NME7: variants seen among roughly 807,000 people sequenced by gnomAD.
NME7 encodes the protein nucleoside diphosphate kinase 7.
NME7 carries 41 observed loss-of-function variants against 49.1 expected under a neutral mutation model. The observed-to-expected ratio is 0.83, with a 90% confidence interval of 0.65 to 1.08. The LOEUF is 1.08. Among genes scored for constraint, NME7 ranks in the 50% least tolerant of loss-of-function variants. The pLI is 0.00. For missense variants in NME7, 423 were observed against 463.4 expected (o/e 0.91, Z 0.80); for synonymous variants, 139 against 150.6 (o/e 0.92, Z 0.56).
At chr1:169,228,691 A>AG (rs1233887810) in intron 10 of NME7, among the ~76,000 whole-genome samples, 1 of 88,454 alleles carries the variant, frequency 1.1e-5, no homozygotes, top group African/African-American at 3.1e-5. Flanking sequence ...CTCAAAAAAA[A>AG]AAAAAAAAAA....
chr1:169,320,050 T>C (rs962846201), intron 3 of NME7, among the ~76,000 whole-genome samples: 8 of 152,198 alleles, frequency 5.3e-5, no homozygotes, highest in Non-Finnish European at 8.8e-5. Context: ...TCCTCTATCA[T>C]TCATACACAT....
chr1:169,190,736 A>AGG, intron 10 of NME7: 1 of 398,976 alleles, frequency 2.5e-6, no homozygotes, highest in Non-Finnish European at 4.9e-6. Flanking sequence ...AAAAAAGTGT[A>AGG]GGTTGACTCA....
rs775606293 is a variant in NME7 at position 169,147,602 on chromosome 1, A to G, written c.1099-14785T>C. The stretch of plus-strand genomic sequence containing the variant: ...ACAAGCTAGTTAATATTCCTACCAT[A>G]TACATAAAAATAAAAAATCAATAAG... On this transcript the variant is annotated intron_variant, in intron 11 of 11. Transcript: ENST00000367811. Among the ~76,000 whole-genome samples, 41 of 148,040 alleles carry G rather than the reference A, an allele frequency of 2.8e-4. 1 individual carries two copies. The highest frequency in any genetic ancestry group is 5.4e-4 in the Non-Finnish European group (36 of 66,928).
chr1:169,186,725 T>C (rs1372391642), intron 10 of NME7, among the ~76,000 whole-genome samples: 1 of 152,196 alleles, frequency 6.6e-6, no homozygotes, highest in Non-Finnish European at 1.5e-5. Flanking sequence ...ATTCACTGAT[T>C]TTTTGAAGGG....
chr1:169,298,306 T>G (rs1650790010), intron 6 of NME7, among the ~76,000 whole-genome samples: 1 of 152,146 alleles, frequency 6.6e-6, no homozygotes, highest in Non-Finnish European at 1.5e-5. Context: ...ATTTAAGTCT[T>G]GGGAACAAGA....
At chr1:169,139,451 A>G (rs952268413) in intron 11 of NME7, among the ~76,000 whole-genome samples, 1 of 152,210 alleles carries the variant, frequency 6.6e-6, no homozygotes, top group Non-Finnish European at 1.5e-5. Context: ...CTAGGGATGT[A>G]GCCTGGCTGT....
At chr1:169,272,653 C>G (rs1571343344) in intron 7 of NME7, among the ~76,000 whole-genome samples, 1 of 133,200 alleles carries the variant, frequency 7.5e-6, no homozygotes, top group African/African-American at 2.5e-5. Context: ...ACATAGTATT[C>G]TATCATGTAT....
At chr1:169,281,333 C>G (rs1650003935) in intron 7 of NME7, among the ~76,000 whole-genome samples, 1 of 151,606 alleles carries the variant, frequency 6.6e-6, no homozygotes, top group Admixed American at 6.6e-5. Flanking sequence ...AGTTGCTTAT[C>G]AGCATAAGGA....
intron 3 of NME7, among the ~76,000 whole-genome samples, chr1:169,313,248 G>T (rs1304339852): frequency 2.0e-5 from 3 of 147,602 alleles, no homozygotes; most frequent in African/African-American, 7.4e-5. Context: ...AAGTAAGAAT[G>T]AAAGTTGTTT....
intron 11 of NME7, among the ~76,000 whole-genome samples, chr1:169,136,873 A>T (rs1330110124): frequency 6.6e-6 from 1 of 152,238 alleles, no homozygotes; most frequent in Non-Finnish European, 1.5e-5. Flanking sequence ...TTAGAGGTGG[A>T]ATGCAGGCAT....
At chr1:169,261,198 T>G (rs1649150600) in intron 7 of NME7, among the ~76,000 whole-genome samples, 1 of 134,542 alleles carries the variant, frequency 7.4e-6, no homozygotes, top group African/African-American at 2.5e-5. Flanking sequence ...ATAATTAAGC[T>G]TATAAGTGAT....
chr1:169,231,103 C>T (rs1305925141), intron 9 of NME7, among the ~76,000 whole-genome samples: 1 of 152,046 alleles, frequency 6.6e-6, no homozygotes, highest in Non-Finnish European at 1.5e-5. Context: ...TTGCAAAGGC[C>T]TTCTTGAATA....
At position 169,276,028 on chromosome 1, in the gene NME7, G is replaced by A. The variant is rs1255638663; in HGVS notation, c.754+11275C>T. ...TATTGAACCGGCCTTGCATCCCAGGGATGAAGCCCACTTGATCATGGTGGA... is the reference window on the plus strand; with the variant it reads ...TATTGAACCGGCCTTGCATCCCAGGAATGAAGCCCACTTGATCATGGTGGA... On this transcript the variant is annotated intron_variant, in intron 7 of 11. Transcript: ENST00000367811. Among the ~76,000 whole-genome samples, 4 of 133,914 alleles carry A rather than the reference G, an allele frequency of 3.0e-5. 1 individual carries two copies. The highest frequency in any genetic ancestry group is 5.3e-5 in the Non-Finnish European group (3 of 56,966). The allele number at this position is 133,914 out of a possible 152,430, so 87.9% of individuals were successfully genotyped here. A position where few individuals can be genotyped will look rare whatever the true frequency, so the allele number is the denominator to read the frequency against.
intron 10 of NME7, among the ~76,000 whole-genome samples, chr1:169,212,503 T>TG (rs1299015401): frequency 2.9e-5 from 4 of 140,068 alleles, no homozygotes; most frequent in Non-Finnish European, 6.6e-5. Context: ...GTCACTCAAA[T>TG]GAGTACTCAT....
intron 4 of NME7, among the ~76,000 whole-genome samples, chr1:169,309,261 A>C (rs1651293433): frequency 6.6e-6 from 1 of 152,088 alleles, no homozygotes; most frequent in Non-Finnish European, 1.5e-5. Context: ...TGACAGCTGA[A>C]TTTCTACCCT....
intron 7 of NME7, among the ~76,000 whole-genome samples, chr1:169,243,164 G>A (rs538327995): frequency 2.0e-5 from 3 of 152,192 alleles, no homozygotes; most frequent in South Asian, 2.1e-4. Context: ...TGCAATAACC[G>A]AAAGATGGTG....
At chr1:169,349,386 A>G (rs79301069) in intron 1 of NME7, among the ~76,000 whole-genome samples, 1 of 152,184 alleles carries the variant, frequency 6.6e-6, no homozygotes, top group Non-Finnish European at 1.5e-5. Flanking sequence ...GTCAGCCCCA[A>G]ATAAGTTTAA....
rs533197967 is a variant in NME7 at position 169,178,119 on chromosome 1, G to A, written c.991-8565C>T. ...CTCCCAAAGTGCTGGGATTACAGGC[G>A]TGAGCCACCGTGCCCAGCCTCTCCT... On this transcript the variant is annotated intron_variant, in intron 10 of 11. Coordinates refer to ENST00000367811, the MANE Select transcript of NME7 (RefSeq NM_013330.5). Among the ~76,000 whole-genome samples the A allele has an allele frequency of 4.6e-5, 7 of 152,174 alleles. No homozygotes were observed. The East Asian group carries it at 5.8e-4, about 13-fold the overall frequency.
chr1:169,362,864 TACA>T (rs1279281019), intron 1 of NME7, among the ~76,000 whole-genome samples: 2 of 152,072 alleles, frequency 1.3e-5, no homozygotes, highest in Non-Finnish European at 2.9e-5. Flanking sequence ...GTATCTGCCA[TACA>T]ACAAGAACAT....
Sources: allele counts gnomAD v4.1 joint callset (sites outside exome capture counted in the v4.1 genomes callset), GRCh38; gene constraint gnomAD v4.1.1; transcripts MANE v1.5; gene names NCBI Gene and HGNC (gene_info 2026-07-23, HGNC 2026-07-21).